KCNH8: variants seen among roughly 807,000 people sequenced by gnomAD.
The protein encoded by KCNH8 is potassium voltage-gated channel subfamily H member 8, also known as voltage-gated delayed rectifier potassium channel KCNH8.
Under a neutral mutation model 103.6 loss-of-function variants are expected in KCNH8, and 70 were observed. That is an observed-to-expected ratio of 0.68 (90% CI 0.56 to 0.82). The LOEUF is 0.82. KCNH8 is among the 40% of genes least tolerant of loss of function. The probability of loss-of-function intolerance (pLI) is 0.00; values close to 1 mark genes in which losing one functional copy is unlikely to be tolerated. For synonymous variants in KCNH8, 498 were observed against 489.4 expected (o/e 1.02, Z -0.23); for missense variants, 1,217 against 1,329.9 (o/e 0.92, Z 1.32).
chr3:19,261,752 T>G (rs557983723), intron 2 of KCNH8, among the ~76,000 whole-genome samples: 37 of 151,914 alleles, frequency 2.4e-4, no homozygotes, highest in Non-Finnish European at 4.9e-4. Flanking sequence ...ATATTTAGGT[T>G]TTTTTTATTG....
At chr3:19,178,497 C>G (rs2125199954) in intron 1 of KCNH8, among the ~76,000 whole-genome samples, 1 of 152,140 alleles carries the variant, frequency 6.6e-6, no homozygotes, top group South Asian at 2.1e-4. Flanking sequence ...TACTATAACA[C>G]AGTATAAAAT....
intron 1 of KCNH8, among the ~76,000 whole-genome samples, chr3:19,226,744 G>T (rs954395048): frequency 2.0e-5 from 3 of 152,056 alleles, no homozygotes; most frequent in African/African-American, 7.3e-5. Context: ...ATTCACAAAA[G>T]ACCCCCTAGG....
At chr3:19,499,949 T>C in intron 11 of KCNH8, among the ~76,000 whole-genome samples, 1 of 152,106 alleles carries the variant, frequency 6.6e-6, no homozygotes, top group Non-Finnish European at 1.5e-5. Context: ...ATATTAACTT[T>C]AAATGTAAAT....
rs147761311 is a variant in KCNH8, at chr3:19,167,375, G to A, written c.76+18580G>A. ...TTCAAAACATTTCTTCTTATAAATCGAAACATTTGTAAGATTTCCCCCATT... is the reference window on the plus strand; with the variant it reads ...TTCAAAACATTTCTTCTTATAAATCAAAACATTTGTAAGATTTCCCCCATT... On this transcript the variant is annotated intron_variant, in intron 1 of 15. Coordinates refer to ENST00000328405, the MANE Select transcript of KCNH8 (RefSeq NM_144633.3). Among the ~76,000 whole-genome samples, 112 of 152,204 alleles carry A rather than the reference G, an allele frequency of 7.4e-4. No individual in the cohort carries two copies. The East Asian group carries it at 0.02, about 27-fold the overall frequency.
chr3:19,378,522 C>T (rs1221948693), intron 5 of KCNH8, among the ~76,000 whole-genome samples: 2 of 152,202 alleles, frequency 1.3e-5, no homozygotes, highest in Non-Finnish European at 1.5e-5. Context: ...GGTGAGCACC[C>T]TCTGCCATGC....
rs1017937636 is a variant in KCNH8 at position 19,529,026 on chromosome 3, AGAG to A, written c.2620-4365_2620-4363del. Among the ~76,000 whole-genome samples the A allele has an allele frequency of 1.2e-4, 19 of 152,296 alleles. 1 individual carries two copies. Among genetic ancestry groups the A allele is most frequent in the East Asian group, 3.9e-4 (2 of 5,162 alleles). On this transcript the variant is annotated intron_variant, in intron 15 of 15. Coordinates refer to ENST00000328405, the MANE Select transcript of KCNH8 (RefSeq NM_144633.3). Reference sequence around the variant, plus strand: ...ATTTTCTTGCCAGACAGAGAAGGGCAGAGGAGAAGAGCCCGCAGTCAGAAGGAA... The same window carrying A: ...ATTTTCTTGCCAGACAGAGAAGGGCAGAGAAGAGCCCGCAGTCAGAAGGAA...
rs190374344 is a variant in KCNH8 at position 19,169,633 on chromosome 3, A to T, written c.76+20838A>T. 2.3e-3 allele frequency among the ~76,000 whole-genome samples: 346 copies of T among 152,288 alleles called. 4 individuals are homozygous for T. The highest frequency in any genetic ancestry group is 7.5e-3 in the African/African-American group (312 of 41,552). ...CTGGTTTTTGTTGACCGCATCTGAA[A>T]ATCCTGTGTGTTATTTCTCACCTCC... On this transcript the variant is annotated intron_variant, in intron 1 of 15. Coordinates refer to ENST00000328405, the MANE Select transcript of KCNH8 (RefSeq NM_144633.3).
chr3:19,360,896 A>G (rs2065938768), intron 5 of KCNH8, among the ~76,000 whole-genome samples: 1 of 152,104 alleles, frequency 6.6e-6, no homozygotes, highest in Non-Finnish European at 1.5e-5. Flanking sequence ...TTAAAAGAGT[A>G]GAGGTACAAG....
chr3:19,511,276 C>T (rs565135482), intron 12 of KCNH8, among the ~76,000 whole-genome samples: 4 of 151,488 alleles, frequency 2.6e-5, no homozygotes, highest in South Asian at 2.1e-4. Flanking sequence ...TTTGTAATGT[C>T]GGCTGCCCTG....
At chr3:19,391,355 T>A (rs1220552880) in intron 6 of KCNH8, among the ~76,000 whole-genome samples, 1 of 152,196 alleles carries the variant, frequency 6.6e-6, no homozygotes, top group East Asian at 1.9e-4. Context: ...AAGTATTAAA[T>A]GCTCCCTTAT....
Position 19,513,968 on chromosome 3 carries a change from G to A in KCNH8, c.2435+643G>A, listed in dbSNP as rs1045393823. On this transcript the variant is annotated intron_variant, in intron 13 of 15. Coordinates refer to ENST00000328405, the MANE Select transcript of KCNH8 (RefSeq NM_144633.3). The stretch of plus-strand genomic sequence containing the variant: ...TAGCCATCATCAAAATCACATAACA[G>A]CTGAATAATAATAAATAAAAGCATG... Among the ~76,000 whole-genome samples the A allele has an allele frequency of 3.9e-5, 6 of 151,922 alleles. 1 individual carries two copies. Among genetic ancestry groups the A allele is most frequent in the Non-Finnish European group, 8.8e-5 (6 of 67,980 alleles).
intron 3 of KCNH8, among the ~76,000 whole-genome samples, chr3:19,319,154 A>T (rs541722431): frequency 6.6e-6 from 1 of 152,162 alleles, no homozygotes; most frequent in South Asian, 2.1e-4. Context: ...GCTCTGCAGA[A>T]GCTTTTTAGT....
In KCNH8 at chr3:19,149,433, A is replaced by C. The variant is rs750721223; in HGVS notation, c.76+638A>C. 7.3e-4 allele frequency among the ~76,000 whole-genome samples: 111 copies of C among 151,990 alleles called. 1 individual carries two copies. Among genetic ancestry groups the C allele is most frequent in the Middle Eastern group, 3.4e-3 (1 of 294 alleles). On this transcript the variant is annotated intron_variant, in intron 1 of 15. Coordinates refer to ENST00000328405, the MANE Select transcript of KCNH8 (RefSeq NM_144633.3). ...GGACATGAATAAAGACGATTTGATGATAAGAGAAAGTTTTTAGTTTTTTTT... is the reference window on the plus strand; with the variant it reads ...GGACATGAATAAAGACGATTTGATGCTAAGAGAAAGTTTTTAGTTTTTTTT...
At chr3:19,470,982 C>T (rs942975575) in intron 11 of KCNH8, among the ~76,000 whole-genome samples, 1 of 152,094 alleles carries the variant, frequency 6.6e-6, no homozygotes, top group Admixed American at 6.5e-5. Flanking sequence ...ACGACATATA[C>T]CCTGCAAAGA....
In KCNH8 at chr3:19,410,827, C is replaced by T. The variant is rs145622849; in HGVS notation, c.1177+15516C>T. On this transcript the variant is annotated intron_variant, in intron 7 of 15. Coordinates refer to ENST00000328405, the MANE Select transcript of KCNH8 (RefSeq NM_144633.3). ...AATCAGGAAGAAAATGAACACTGAACGCACCAATATTGAGTTCCAAAATTG... is the reference window on the plus strand; with the variant it reads ...AATCAGGAAGAAAATGAACACTGAATGCACCAATATTGAGTTCCAAAATTG... Among the ~76,000 whole-genome samples the T allele has an allele frequency of 7.1e-3, 1,058 of 149,168 alleles. 28 individuals carry two copies. The highest frequency in any genetic ancestry group is 7.2e-3 in the Admixed American group (108 of 14,936).
At chr3:19,426,689 A>C (rs1381181254) in intron 7 of KCNH8, among the ~76,000 whole-genome samples, 4 of 151,978 alleles carry the variant, frequency 2.6e-5, no homozygotes, top group Non-Finnish European at 4.4e-5. Context: ...AAGTGATATG[A>C]TACGGTCTTA....
intron 5 of KCNH8, among the ~76,000 whole-genome samples, chr3:19,367,268 T>C (rs1338084582): frequency 1.3e-5 from 2 of 151,702 alleles, no homozygotes; most frequent in Non-Finnish European, 2.9e-5. Flanking sequence ...AAAGCCTTCT[T>C]TATTCCTTGT....
At chr3:19,387,965 AT>A (rs972666267) in intron 5 of KCNH8, among the ~76,000 whole-genome samples, 4 of 151,348 alleles carry the variant, frequency 2.6e-5, no homozygotes, top group Non-Finnish European at 4.4e-5. Context: ...CTGAACCACT[AT>A]TTTGTTCTTT....
intron 3 of KCNH8, among the ~76,000 whole-genome samples, chr3:19,295,704 T>G (rs1444330639): frequency 6.6e-6 from 1 of 152,096 alleles, no homozygotes; most frequent in East Asian, 1.9e-4. Context: ...GAAAATACTG[T>G]GGGTTTGTAC....
Sources: gnomAD v4.1 joint callset for allele counts (sites outside exome capture counted in the v4.1 genomes callset) on GRCh38, gnomAD v4.1.1 for gene constraint, MANE v1.5 for transcripts, NCBI Gene and HGNC (gene_info 2026-07-23, HGNC 2026-07-21) for gene names.